The following COLEC10 variants were observed in gnomAD, a reference collection of about 807,000 sequenced individuals.
COLEC10 encodes collectin-10.
In COLEC10, 22 loss-of-function variants were observed where a neutral mutation model predicts 28.4. That is an observed-to-expected ratio of 0.78 (90% CI 0.55 to 1.11). COLEC10 has a LOEUF of 1.11. Ranked by LOEUF, COLEC10 falls within the 50% of genes least tolerant of loss-of-function variation. The pLI, the probability that COLEC10 is intolerant of heterozygous loss-of-function variation, is 0.00. For synonymous variants in COLEC10, 125 were observed against 116.1 expected, an observed-to-expected ratio of 1.08 and a Z score of -0.49; for missense variants, 361 against 344.1, an observed-to-expected ratio of 1.05 and a Z score of -0.39.
chr8:119,091,466 G>T (rs1815593938), intron 3 of COLEC10, among the ~76,000 whole-genome samples: 1 of 151,528 alleles, frequency 6.6e-6, no homozygotes, highest in Non-Finnish European at 1.5e-5. Context: ...GAGGTAGGAG[G>T]ATCGTTTGAG....
At chr8:118,972,251 G>C in the COLEC10 span, among the ~76,000 whole-genome samples, 10 of 151,916 alleles carry the variant, frequency 6.6e-5, no homozygotes, top group Non-Finnish European at 1.2e-4. Flanking sequence ...CAGGTCTCTA[G>C]AAGGAAGCAG....
At chr8:119,079,871 C>T (rs1462102108) in intron 1 of COLEC10, among the ~76,000 whole-genome samples, 1 of 151,992 alleles carries the variant, frequency 6.6e-6, no homozygotes, top group Non-Finnish European at 1.5e-5. Context: ...ATAATAATCA[C>T]ACCCATCAAT....
chr8:119,014,998 T>C (rs1324691386), intron 2 of COLEC10, among the ~76,000 whole-genome samples: 1 of 150,900 alleles, frequency 6.6e-6, no homozygotes, highest in Non-Finnish European at 1.5e-5. Context: ...TTAGGGCCCT[T>C]AGCATATTAA....
the COLEC10 span, among the ~76,000 whole-genome samples, chr8:118,971,494 G>A: frequency 1.7e-3 from 264 of 151,976 alleles, no homozygotes; most frequent in African/African-American, 5.7e-3. Flanking sequence ...ATTTTTTAAC[G>A]GGAACATGAG....
chr8:119,009,848 T>A (rs199673748), intron 2 of COLEC10, among the ~76,000 whole-genome samples: 5,893 of 143,934 alleles, frequency 0.041, 544 homozygotes, highest in African/African-American at 0.12. Context: ...CTCTTTTTTT[T>A]AAAAAAAAAT....
the COLEC10 span, among the ~76,000 whole-genome samples, chr8:118,974,678 C>T: frequency 1.7e-4 from 26 of 152,110 alleles, no homozygotes; most frequent in Admixed American, 3.3e-4. Flanking sequence ...CTTAAATTTA[C>T]GTAAACGTAT....
At chr8:118,959,864 C>T in the COLEC10 span, among the ~76,000 whole-genome samples, 2 of 152,116 alleles carry the variant, frequency 1.3e-5, no homozygotes, top group Non-Finnish European at 2.9e-5. Context: ...TTGATCAAAG[C>T]TTGTTTTATA....
chr8:118,966,193 C>A, the COLEC10 span, among the ~76,000 whole-genome samples: 1 of 152,074 alleles, frequency 6.6e-6, no homozygotes, highest in African/African-American at 2.4e-5. Context: ...TTTAGTAGAT[C>A]CTTATAAAGC....
intron 1 of COLEC10, among the ~76,000 whole-genome samples, chr8:119,001,004 T>A (rs1813686938): frequency 6.6e-6 from 1 of 152,180 alleles, no homozygotes; most frequent in Non-Finnish European, 1.5e-5. Context: ...AGAGGAGTTA[T>A]GGTCTGGACA....
intron 2 of COLEC10, among the ~76,000 whole-genome samples, chr8:119,022,289 C>A (rs1436994666): frequency 2.0e-5 from 3 of 152,084 alleles, no homozygotes; most frequent in African/African-American, 7.2e-5. Flanking sequence ...AGAGACTGAG[C>A]ACCCTCTCTT....
the COLEC10 span, among the ~76,000 whole-genome samples, chr8:118,971,642 T>A: frequency 1.3e-5 from 2 of 151,996 alleles, no homozygotes; most frequent in Non-Finnish European, 2.9e-5. Context: ...TTCAAGGGTA[T>A]GCTATGCAGC....
the COLEC10 span, among the ~76,000 whole-genome samples, chr8:118,984,249 A>G: frequency 2.4e-4 from 36 of 152,204 alleles, no homozygotes; most frequent in African/African-American, 7.9e-4. Context: ...ACCAAATACT[A>G]TATGTTCTTA....
rs1064558 is a variant in COLEC10, at chr8:119,106,755, A to G, written c.*564A>G. On this transcript the variant is annotated 3_prime_UTR_variant, in exon 6 of 6. Transcript: ENST00000332843. Reference sequence around the variant, plus strand: ...AGACATAGAAATGCTTTAACCCCAAACCTTTATATGGGGGACTTCTAGCTT... The same window carrying G: ...AGACATAGAAATGCTTTAACCCCAAGCCTTTATATGGGGGACTTCTAGCTT... Among the ~76,000 whole-genome samples the G allele has an allele frequency of 0.098, 14,973 of 152,084 alleles. 1,680 individuals carry two copies. Among genetic ancestry groups the G allele is most frequent in the African/African-American group, 0.28 (11,559 of 41,438 alleles).
intron 1 of COLEC10, among the ~76,000 whole-genome samples, chr8:119,001,628 G>A (rs1293440822): frequency 6.6e-6 from 1 of 152,066 alleles, no homozygotes; most frequent in East Asian, 1.9e-4. Flanking sequence ...GCCCTCCAAG[G>A]CTTATGGATT....
chr8:119,103,837 T>G lies in COLEC10; in HGVS notation c.384T>G (p.Val128=). ...VCDCGRYRKF[V]GQLDISIARL... is the part of the protein sequence containing the mutation. Reference sequence around the variant, plus strand: ...ATTGTGGAAGATACCGGAAATTTGTTGGACAACTGGATATTAGTATTGCTC... The same window carrying G: ...ATTGTGGAAGATACCGGAAATTTGTGGGACAACTGGATATTAGTATTGCTC... Residue 128 remains valine (V), a synonymous_variant, in exon 5 of 6, where the codon GTT becomes GTG. Transcript: ENST00000332843. The G allele has an allele frequency of 1.2e-6, 2 of 1,612,942 alleles. No homozygotes were observed. Among genetic ancestry groups the G allele is most frequent in the Non-Finnish European group, 1.7e-6 (2 of 1,179,170 alleles).
the COLEC10 span, among the ~76,000 whole-genome samples, chr8:118,975,033 TTAA>T: frequency 1.3e-5 from 2 of 152,028 alleles, no homozygotes; most frequent in Admixed American, 6.6e-5. Context: ...CAGTAGCTAC[TTAA>T]TAAAGCCTAA....
chr8:119,014,099 A>G (rs1251990638), intron 2 of COLEC10, among the ~76,000 whole-genome samples: 1 of 150,846 alleles, frequency 6.6e-6, no homozygotes, highest in Non-Finnish European at 1.5e-5. Flanking sequence ...ACTGTTATCC[A>G]TAAGATCAAT....
chr8:118,977,249 G>A, the COLEC10 span, among the ~76,000 whole-genome samples: 2 of 144,816 alleles, frequency 1.4e-5, 1 homozygote, highest in South Asian at 4.8e-4. Flanking sequence ...CCCATTACTG[G>A]GTATATACCC....
intron 1 of COLEC10, chr8:119,068,136 T>C (rs1026463153): frequency 6.6e-6 from 1 of 152,234 alleles, no homozygotes; most frequent in African/African-American, 2.4e-5. Flanking sequence ...AAGTGGTCAC[T>C]GCACTGCAGA....
Sources: gnomAD v4.1 joint callset for allele counts (sites outside exome capture counted in the v4.1 genomes callset) on GRCh38, gnomAD v4.1.1 for gene constraint, MANE v1.5 for transcripts, NCBI Gene and HGNC (gene_info 2026-07-23, HGNC 2026-07-21) for gene names.